Variants in CRIM1 observed in about 807,000 individuals in gnomAD.
CRIM1 encodes cysteine rich transmembrane BMP regulator 1, also known as cysteine-rich motor neuron 1 protein.
A neutral mutation model predicts 116.4 loss-of-function variants in CRIM1; 32 were observed. The ratio of observed to expected loss-of-function variants is 0.27; its 90% CI spans 0.21 to 0.37. The LOEUF is 0.37. Among genes scored for constraint, CRIM1 ranks in the 10% least tolerant of loss-of-function variants. The pLI is 1.00. For missense variants in CRIM1, 1,331 were observed against 1,354.8 expected, an observed-to-expected ratio of 0.98 and a Z score of 0.28; for synonymous variants, 590 against 509.2, an observed-to-expected ratio of 1.16 and a Z score of -2.13.
At chr2:36,476,466 C>T (rs911709537) in intron 5 of CRIM1, among the ~76,000 whole-genome samples, 2 of 152,094 alleles carry the variant, frequency 1.3e-5, no homozygotes, top group African/African-American at 4.8e-5. Flanking sequence ...AGAACATCAC[C>T]ACTTCAAAAA....
chr2:36,419,568 CCTTA>C (rs758775393), intron 2 of CRIM1, among the ~76,000 whole-genome samples: 34 of 152,278 alleles, frequency 2.2e-4, no homozygotes, highest in Admixed American at 3.9e-4. Flanking sequence ...AGTACACAGC[CCTTA>C]CTTACCACAT....
intron 1 of CRIM1, among the ~76,000 whole-genome samples, chr2:36,367,022 TTTTCTCACTTCCCATA>T (rs1442456460): frequency 6.6e-6 from 1 of 152,198 alleles, no homozygotes; most frequent in Non-Finnish European, 1.5e-5. Context: ...CTCGAAAACC[TTTTCTCACTTCCCATA>T]TTTGGGAGCT....
intron 9 of CRIM1, among the ~76,000 whole-genome samples, chr2:36,510,542 AC>A: frequency 6.6e-6 from 1 of 150,400 alleles, no homozygotes; most frequent in South Asian, 2.1e-4. Flanking sequence ...TTGAAGACCG[AC>A]CCCCCACTCA....
chr2:36,486,875 C>T (rs184841632), intron 7 of CRIM1, among the ~76,000 whole-genome samples: 24 of 152,230 alleles, frequency 1.6e-4, no homozygotes, highest in Admixed American at 1.4e-3. Flanking sequence ...AACACAATCT[C>T]TTTTGAGACT....
rs1375015586 is a variant in CRIM1, at chr2:36,499,272, A to C, written c.1426A>C (p.Thr476Pro). 1.9e-6 allele frequency: 3 copies of C among 1,613,834 alleles called. No individual in the cohort carries two copies. Among genetic ancestry groups the C allele is most frequent in the African/African-American group, 2.7e-5 (2 of 75,034 alleles). Residue 476 changes from threonine (T) to proline (P), a missense_variant, in exon 8 of 17, where the codon ACT (threonine) becomes CCT (proline). Thr to Pro is a conservative substitution (Grantham distance 38, BLOSUM62 -1). This residue lies in a region of CRIM1 where 690 missense variants were observed against 676.0 expected (regional missense o/e 1.02). Coordinates refer to ENST00000280527, the MANE Select transcript of CRIM1 (RefSeq NM_016441.3). ...TGCATGTGGGGAGTTATCAAACTGC[A>C]CTCTGACAGGGAAGGACTGCATTAA... is the stretch of plus-strand genomic sequence containing the variant. ...PPACGELSNC[T>P]LTGKDCINGF...
chr2:36,365,573 G>C (rs1669534197), intron 1 of CRIM1, among the ~76,000 whole-genome samples: 1 of 152,176 alleles, frequency 6.6e-6, no homozygotes, highest in Non-Finnish European at 1.5e-5. Context: ...TGGACTAATA[G>C]TCGAGGTTGG....
Position 36,523,864 on chromosome 2 carries a change from C to A in CRIM1, c.2428+1551C>A, listed in dbSNP as rs79211086. On this transcript the variant is annotated intron_variant, in intron 13 of 16. Transcript: ENST00000280527. ...CTGTCCTTGTCTTGTGACTTCTGGCCACTAGACAGGGCCACTCTGAGTCTT... is the reference window on the plus strand; with the variant it reads ...CTGTCCTTGTCTTGTGACTTCTGGCAACTAGACAGGGCCACTCTGAGTCTT... Among the ~76,000 whole-genome samples the A allele has an allele frequency of 9.6e-3, 1,460 of 152,238 alleles. 16 individuals carry two copies. The highest frequency in any genetic ancestry group is 0.034 in the African/African-American group (1,399 of 41,536).
chr2:36,391,685 C>T (rs917540641), intron 1 of CRIM1, among the ~76,000 whole-genome samples: 9 of 152,112 alleles, frequency 5.9e-5, no homozygotes, highest in Middle Eastern at 3.4e-3. Context: ...GGCTACAGAC[C>T]GCTTAGAAGC....
At chr2:36,479,307 A>G (rs1429272662) in intron 6 of CRIM1, among the ~76,000 whole-genome samples, 190 bp from the exon 7 acceptor site, 2 of 152,210 alleles carry the variant, frequency 1.3e-5, no homozygotes, top group Non-Finnish European at 2.9e-5. Context: ...ATGAGTAGAC[A>G]TAAATTCAGT....
intron 13 of CRIM1, among the ~76,000 whole-genome samples, chr2:36,524,283 G>GT (rs1665605657): frequency 6.6e-6 from 1 of 152,158 alleles, no homozygotes; most frequent in Admixed American, 6.5e-5. Context: ...ATCCAATTTA[G>GT]TGCTACTTAC....
rs750148369 is a variant in CRIM1 at position 36,542,083 on chromosome 2, AAAG to A, written c.2624-2289_2624-2287del. On this transcript the variant is annotated intron_variant, in intron 14 of 16. Coordinates refer to ENST00000280527, the MANE Select transcript of CRIM1 (RefSeq NM_016441.3). ...ACTGGAGCTGTGCGTGTTCTGTGATAAAGAAGGAGGTGTGGGTGGATTTTAATC... is the reference window on the plus strand; with the variant it reads ...ACTGGAGCTGTGCGTGTTCTGTGATAAAGGAGGTGTGGGTGGATTTTAATC... 7.2e-5 allele frequency among the ~76,000 whole-genome samples: 11 copies of A among 152,126 alleles called. No individual in the cohort carries two copies. The East Asian group carries it at 7.7e-4, about 11-fold the overall frequency.
chr2:36,386,829 C>G (rs866439038), intron 1 of CRIM1, among the ~76,000 whole-genome samples: 5 of 152,164 alleles, frequency 3.3e-5, no homozygotes, highest in Middle Eastern at 6.8e-3. Context: ...AGTGGGGAAA[C>G]CTAAAGGAAG....
intron 2 of CRIM1, among the ~76,000 whole-genome samples, chr2:36,422,443 C>T (rs1212965304): frequency 7.9e-5 from 12 of 152,122 alleles, no homozygotes; most frequent in Non-Finnish European, 1.5e-5. Context: ...CATTTGAAAT[C>T]CTGAATATCC....
chr2:36,535,344 G>A (rs1396819868), intron 13 of CRIM1, among the ~76,000 whole-genome samples: 2 of 152,202 alleles, frequency 1.3e-5, no homozygotes, highest in Non-Finnish European at 2.9e-5. Context: ...ATACCTTAGT[G>A]AAGTCGCCTC....
At chr2:36,527,539 G>A (rs539703365) in intron 13 of CRIM1, among the ~76,000 whole-genome samples, 3 of 132,442 alleles carry the variant, frequency 2.3e-5, no homozygotes, top group South Asian at 2.8e-4. Flanking sequence ...TCTTCAACTC[G>A]CAAATGATTA....
chr2:36,494,976 T>A (rs540516425), intron 7 of CRIM1, among the ~76,000 whole-genome samples: 3 of 152,280 alleles, frequency 2.0e-5, no homozygotes, highest in African/African-American at 7.2e-5. Flanking sequence ...GATTTCCTCA[T>A]TCTCCTAAAT....
At chr2:36,358,672 T>C (rs574865903) in intron 1 of CRIM1, among the ~76,000 whole-genome samples, 1 of 152,348 alleles carries the variant, frequency 6.6e-6, no homozygotes, top group African/African-American at 2.4e-5. Context: ...GAAGGGTTTG[T>C]TGACATGATT....
chr2:36,539,486 G>C (rs1267049319), intron 14 of CRIM1, among the ~76,000 whole-genome samples: 1 of 152,208 alleles, frequency 6.6e-6, no homozygotes, highest in East Asian at 1.9e-4. Flanking sequence ...AACCTTGGAA[G>C]GTTTGGAGCA....
At chr2:36,419,172 G>T (rs1282035021) in intron 2 of CRIM1, among the ~76,000 whole-genome samples, 1 of 152,184 alleles carries the variant, frequency 6.6e-6, no homozygotes, top group Non-Finnish European at 1.5e-5. Context: ...GTGTCCTAAG[G>T]TTTAAAATTA....
Sources: allele counts gnomAD v4.1 joint callset (sites outside exome capture counted in the v4.1 genomes callset), GRCh38; gene constraint gnomAD v4.1.1; regional missense constraint gnomAD v4.1.1; transcripts MANE v1.5; gene names NCBI Gene and HGNC (gene_info 2026-07-23, HGNC 2026-07-21).